SNCAIP: variants seen among roughly 807,000 people sequenced by gnomAD.
SNCAIP encodes the protein synuclein alpha interacting protein.
Under a neutral mutation model 86.7 loss-of-function variants are expected in SNCAIP, and 43 were observed. The ratio of observed to expected loss-of-function variants is 0.50; its 90% confidence interval spans 0.39 to 0.64. SNCAIP has a LOEUF of 0.64. SNCAIP is among the 30% of genes least tolerant of loss of function. The pLI, the probability that SNCAIP is intolerant of heterozygous loss-of-function variation, is 0.00. For synonymous variants in SNCAIP, 417 were observed against 427.2 expected (o/e 0.98, Z 0.29); for missense variants, 981 against 1,103.1 (o/e 0.89, Z 1.57).
chr5:122,390,961 A>G (rs888629908), intron 1 of SNCAIP, 128 bp from the exon 2 acceptor site: 6 of 627,366 alleles, frequency 9.6e-6, no homozygotes, highest in Admixed American at 9.6e-5. Flanking sequence ...GAAGGAAGGA[A>G]ATGTGCTCCA....
At chr5:122,439,926 C>T (rs1023272876) in intron 6 of SNCAIP, among the ~76,000 whole-genome samples, 2 of 152,178 alleles carry the variant, frequency 1.3e-5, no homozygotes, top group African/African-American at 2.4e-5. Context: ...CATACTGTGA[C>T]TGCTCTATGT....
chr5:122,441,444 T>C (rs1178585747), intron 7 of SNCAIP, among the ~76,000 whole-genome samples: 2 of 152,174 alleles, frequency 1.3e-5, no homozygotes, highest in Non-Finnish European at 2.9e-5. Context: ...TGTACAATGA[T>C]GTCAAAAAGT....
At position 122,463,503 on chromosome 5, in the gene SNCAIP, C is replaced by G; in HGVS notation, c.*7C>G. 6.2e-7 allele frequency: 1 copy of G among 1,601,444 alleles called. No individual in the cohort carries two copies. The highest frequency in any genetic ancestry group is 8.6e-7 in the Non-Finnish European group (1 of 1,169,562). Reference sequence around the variant, plus strand: ...CTCTTCTGCTTAGGCATAATGACATCAATAGAAAAATGAAGAAATCCTACA... The same window carrying G: ...CTCTTCTGCTTAGGCATAATGACATGAATAGAAAAATGAAGAAATCCTACA... On this transcript the variant is annotated 3_prime_UTR_variant, in exon 11 of 11. Transcript: ENST00000261368.
At chr5:122,444,075 T>C in intron 7 of SNCAIP, 1 of 457,030 alleles carries the variant, frequency 2.2e-6, no homozygotes, top group Non-Finnish European at 4.4e-6. Context: ...AGCCATGTCA[T>C]TTCTTTCCAG....
chr5:122,320,157 C>G (rs958409153), intron 1 of SNCAIP, among the ~76,000 whole-genome samples: 2 of 144,346 alleles, frequency 1.4e-5, no homozygotes, highest in Non-Finnish European at 3.2e-5. Context: ...TCACCTCACT[C>G]TCCTCCTTCA....
chr5:122,315,353 A>T (rs1283464927), intron 1 of SNCAIP, among the ~76,000 whole-genome samples: 1 of 152,222 alleles, frequency 6.6e-6, no homozygotes, highest in Non-Finnish European at 1.5e-5. Flanking sequence ...TTACATGGCA[A>T]ATCAAATAGT....
intron 1 of SNCAIP, among the ~76,000 whole-genome samples, chr5:122,340,636 C>G (rs1461744008): frequency 6.6e-6 from 1 of 152,142 alleles, no homozygotes; most frequent in Non-Finnish European, 1.5e-5. Context: ...TAACTTAGAA[C>G]ATTGAACTGA....
chr5:122,423,501 G>A lies in SNCAIP; in HGVS notation c.764G>A (p.Ser255Asn), dbSNP rs1186586700. ...CGSAYEPENQ[S>N]KDFLNKTFSD... ...TCTGCATATGAGCCTGAAAACCAGAGTAAAGACTTCCTAAACAAGACATTT... is the reference window on the plus strand; with the variant it reads ...TCTGCATATGAGCCTGAAAACCAGAATAAAGACTTCCTAAACAAGACATTT... The change falls in exon 4 of 11, where the codon AGT becomes AAT. Residue 255 changes from serine (S) to asparagine (N), a missense_variant. Physicochemically the swap from Ser to Asn is conservative, Grantham distance 46. Coordinates refer to ENST00000261368, the MANE Select transcript of SNCAIP (RefSeq NM_005460.4). 6.2e-7 allele frequency: 1 copy of A among 1,614,070 alleles called. No individual in the cohort carries two copies. The highest frequency in any genetic ancestry group is 1.7e-5 in the Admixed American group (1 of 60,006).
intron 1 of SNCAIP, among the ~76,000 whole-genome samples, chr5:122,386,969 A>T (rs2152831646): frequency 6.6e-6 from 1 of 152,240 alleles, no homozygotes; most frequent in Non-Finnish European, 1.5e-5. Context: ...TGCTGTGGGG[A>T]GAGGGGCTTA....
At chr5:122,450,375 G>A (rs1208504572) in intron 9 of SNCAIP, among the ~76,000 whole-genome samples, 158 bp from the exon 10 acceptor site, 1 of 152,194 alleles carries the variant, frequency 6.6e-6, no homozygotes, top group East Asian at 1.9e-4. Flanking sequence ...CTGATACTAT[G>A]GAGTATTTGC....
At chr5:122,330,317 T>A (rs1447666785) in intron 1 of SNCAIP, among the ~76,000 whole-genome samples, 1 of 151,854 alleles carries the variant, frequency 6.6e-6, no homozygotes, top group Non-Finnish European at 1.5e-5. Flanking sequence ...GAGACGGGGT[T>A]TCACCGTTTT....
chr5:122,433,947 T>C (rs1778893252), intron 6 of SNCAIP, among the ~76,000 whole-genome samples: 1 of 152,216 alleles, frequency 6.6e-6, no homozygotes, highest in African/African-American at 2.4e-5. Context: ...AACAGCCACG[T>C]GATCACAAGG....
intron 3 of SNCAIP, among the ~76,000 whole-genome samples, chr5:122,413,925 T>C (rs948474855): frequency 4.6e-5 from 7 of 152,154 alleles, no homozygotes; most frequent in Non-Finnish European, 7.4e-5. Context: ...GTTTGTTTTT[T>C]TATAGACAAG....
intron 8 of SNCAIP, among the ~76,000 whole-genome samples, chr5:122,447,231 G>A (rs796469557): frequency 2.0e-5 from 3 of 152,312 alleles, no homozygotes; most frequent in African/African-American, 7.2e-5. Flanking sequence ...TTCAGAGGGA[G>A]CCAGCCTGGC....
chr5:122,340,924 T>A (rs1055035694), intron 1 of SNCAIP, among the ~76,000 whole-genome samples: 3 of 152,198 alleles, frequency 2.0e-5, no homozygotes, highest in African/African-American at 7.2e-5. Context: ...ATTTCATAAA[T>A]TAGCATTAGT....
intron 6 of SNCAIP, among the ~76,000 whole-genome samples, chr5:122,436,228 T>A (rs1273898122): frequency 6.6e-6 from 1 of 151,814 alleles, no homozygotes; most frequent in Non-Finnish European, 1.5e-5. Context: ...AGAGAAAATA[T>A]AAGAATAGGT....
intron 1 of SNCAIP, among the ~76,000 whole-genome samples, chr5:122,349,563 AAG>A (rs763655191): frequency 4.6e-4 from 70 of 152,314 alleles, no homozygotes; most frequent in Non-Finnish European, 7.1e-4. Flanking sequence ...ATTAAGAAGA[AAG>A]AGAAAATTCT....
intron 6 of SNCAIP, 23 bp from the exon 7 acceptor site, chr5:122,440,606 T>C (rs2290987): frequency 0.24 from 389,467 of 1,607,304 alleles, 48,570 homozygotes; most frequent in South Asian, 0.31. Flanking sequence ...TTACATGAAT[T>C]CCAACTGTCT....
At chr5:122,408,612 C>A (rs529289235) in intron 3 of SNCAIP, among the ~76,000 whole-genome samples, 54 of 152,302 alleles carry the variant, frequency 3.5e-4, no homozygotes, top group African/African-American at 1.3e-3. Context: ...ATCAATTACA[C>A]TGCAGTAGGA....
Sources: allele counts gnomAD v4.1 joint callset (sites outside exome capture counted in the v4.1 genomes callset), GRCh38; gene constraint gnomAD v4.1.1; transcripts MANE v1.5; gene names NCBI Gene and HGNC (gene_info 2026-07-23, HGNC 2026-07-21).